TAGAP: variants seen among roughly 807,000 people sequenced by gnomAD.
TAGAP encodes the protein T-cell activation Rho GTPase-activating protein.
Under a neutral mutation model 36.0 loss-of-function variants are expected in TAGAP, and 16 were observed. The observed-to-expected ratio is 0.44, with a 90% CI of 0.30 to 0.68. TAGAP has a LOEUF of 0.68. Among genes scored for constraint, TAGAP ranks in the 30% least tolerant of loss-of-function variants. The probability of loss-of-function intolerance (pLI) is 0.09; values close to 1 mark genes in which losing one functional copy is unlikely to be tolerated. For synonymous variants in TAGAP, 372 were observed against 377.4 expected (o/e 0.99, Z 0.17); for missense variants, 794 against 921.5 (o/e 0.86, Z 1.79).
In TAGAP at chr6:159,035,233, A is replaced by T. The variant is rs992270210; in HGVS notation, c.*594T>A. ...TGAAGTGTTTTTCATGATTTTTGCTACGGCCCCAGCTTTTACTGGAGTTTT... is the reference window on the plus strand; with the variant it reads ...TGAAGTGTTTTTCATGATTTTTGCTTCGGCCCCAGCTTTTACTGGAGTTTT... On this transcript the variant is annotated 3_prime_UTR_variant, in exon 10 of 10. Coordinates refer to ENST00000367066, the MANE Select transcript of TAGAP (RefSeq NM_054114.5). 14 of 152,354 alleles carry T rather than the reference A, an allele frequency of 9.2e-5. No individual in the cohort carries two copies. The highest frequency in any genetic ancestry group is 1.7e-4 in the African/African-American group (7 of 41,450). The allele number at this position is 152,354 out of a possible 1,614,324, so 9.4% of individuals were successfully genotyped here. A position where few individuals can be genotyped will look rare whatever the true frequency, so the allele number is the denominator to read the frequency against.
chr6:159,041,547 G>T lies in TAGAP; in HGVS notation c.316-32C>A, dbSNP rs1257316720. Reference sequence around the variant, plus strand: ...GAAACAGCAATAGGAACAGGAAAGGGTTACCCTTCTTCTTTAGTATACTGA... The same window carrying T: ...GAAACAGCAATAGGAACAGGAAAGGTTTACCCTTCTTCTTTAGTATACTGA... On this transcript the variant is annotated intron_variant, in intron 5 of 9. Transcript: ENST00000367066. The surrounding 1 kb of genome is among the most constrained non-coding windows in gnomAD (Gnocchi z 4.1). 1.2e-6 allele frequency: 2 copies of T among 1,601,596 alleles called. No homozygotes were observed. The highest frequency in any genetic ancestry group is 1.1e-5 in the South Asian group (1 of 89,928).
intron 3 of TAGAP, 61 bp from the exon 4 acceptor site, chr6:159,043,716 C>T: frequency 6.9e-7 from 1 of 1,450,450 alleles, no homozygotes; most frequent in Non-Finnish European, 9.7e-7. Flanking sequence ...AGTCTTTCCC[C>T]ACAAAACACA....
rs930667137 is a variant in TAGAP, at chr6:159,041,005, G to A, written c.478-173C>T. The A allele has an allele frequency of 2.3e-5, 14 of 605,898 alleles. No homozygotes were observed. Among genetic ancestry groups the A allele is most frequent in the African/African-American group, 1.9e-4 (10 of 53,906 alleles). The allele number at this position is 605,898 out of a possible 1,614,324, so 37.5% of individuals were successfully genotyped here. A position where few individuals can be genotyped will look rare whatever the true frequency, so the allele number is the denominator to read the frequency against. On this transcript the variant is annotated intron_variant, in intron 6 of 9. Transcript: ENST00000367066. This position sits in a 1 kb window ranked among gnomAD's most constrained non-coding sequence, Gnocchi z 4.1. The stretch of plus-strand genomic sequence containing the variant: ...GGGAACCCTCTCTCCAACACCCTTG[G>A]CCTCTCTGCAACTTTCTAACATCAG...
chr6:159,040,517 A>G (rs932040571), intron 7 of TAGAP, among the ~76,000 whole-genome samples: 1 of 152,234 alleles, frequency 6.6e-6, no homozygotes, highest in Non-Finnish European at 1.5e-5. Context: ...TTTTGAAGAA[A>G]TATTTCATTT....
intron 7 of TAGAP, among the ~76,000 whole-genome samples, 156 bp from the exon 8 acceptor site, chr6:159,039,465 G>A (rs1779671232): frequency 6.6e-6 from 1 of 152,294 alleles, no homozygotes; most frequent in African/African-American, 2.4e-5. Context: ...ACTTCCAGTG[G>A]CAACTGACAC....
rs2114782814 is a variant in TAGAP, at chr6:159,036,600, C to G, written c.1423G>C (p.Ala475Pro). ...LDASSDSSPV[A>P]SPSSPKRNFF... ...TTTCTTTTGGGACTGGAAGGAGAAG[C>G]CACGGGCGAGCTGTCAGAGGACGCG... Residue 475 changes from alanine (A) to proline (P), a missense_variant, in exon 10 of 10, where the codon GCT (alanine) becomes CCT (proline). By Grantham distance (27) the Ala-to-Pro change is conservative. Transcript: ENST00000367066. This position sits in a 1 kb window ranked among gnomAD's most constrained non-coding sequence, Gnocchi z 4.9. The G allele has an allele frequency of 1.2e-6, 2 of 1,614,118 alleles. No individual in the cohort carries two copies. The highest frequency in any genetic ancestry group is 3.3e-4 in the Middle Eastern group (2 of 6,062).
chr6:159,043,686 G>A (rs1204171599), intron 3 of TAGAP, 31 bp from the exon 4 acceptor site: 1 of 1,587,508 alleles, frequency 6.3e-7, no homozygotes, highest in Non-Finnish European at 8.6e-7. Flanking sequence ...GTTAAATATA[G>A]TGACTGAAGA....
Position 159,041,050 on chromosome 6 carries a change from C to A in TAGAP, c.478-218G>T. The A allele has an allele frequency of 1.7e-6, 1 of 585,824 alleles. No individual in the cohort carries two copies. The highest frequency in any genetic ancestry group is 2.8e-5 in the East Asian group (1 of 35,170). 36.3% of individuals were successfully genotyped at this position (585,824 alleles called of 1,614,324 possible). On this transcript the variant is annotated intron_variant, in intron 6 of 9. Coordinates refer to ENST00000367066, the MANE Select transcript of TAGAP (RefSeq NM_054114.5). The surrounding 1 kb of genome is among the most constrained non-coding windows in gnomAD (Gnocchi z 4.1). ...CATCAGGCAGAGTCAGAGGCACCAT[C>A]CCCAGGTGGGTGTGTTCTGAGGGGC...
chr6:159,039,609 G>C (rs942310069), intron 7 of TAGAP, among the ~76,000 whole-genome samples: 7 of 152,138 alleles, frequency 4.6e-5, no homozygotes, highest in African/African-American at 1.7e-4. Flanking sequence ...AAACACCATA[G>C]TTTGCCTTTA....
chr6:159,040,497 G>T (rs1261223929), intron 7 of TAGAP, among the ~76,000 whole-genome samples: 1 of 152,130 alleles, frequency 6.6e-6, no homozygotes. Flanking sequence ...ATTGAAGTTC[G>T]CTTTCTACTT....
Position 159,035,952 on chromosome 6 carries a change from G to A in TAGAP, c.2071C>T (p.Leu691Phe). ...TCGGAGACGGTCCTCAGCGGGAGGA[G>A]CTCAGGTCTCCCTGGGCCAGACACG... is the stretch of plus-strand genomic sequence containing the variant. The part of the protein sequence containing the change: ...GHVSGPGRPE[L>F]LPLRTVSESV... Residue 691 changes from leucine (L) to phenylalanine (F), a missense_variant, in exon 10 of 10, where the codon CTC (leucine) becomes TTC (phenylalanine). Transcript: ENST00000367066. 1.2e-6 allele frequency: 2 copies of A among 1,614,192 alleles called. No individual in the cohort carries two copies. Among genetic ancestry groups the A allele is most frequent in the Non-Finnish European group, 1.7e-6 (2 of 1,180,024 alleles).
chr6:159,044,332 C>T, intron 1 of TAGAP, 128 bp from the exon 2 acceptor site: 2 of 579,828 alleles, frequency 3.4e-6, no homozygotes, highest in South Asian at 3.0e-5. Context: ...TTTTCACTTG[C>T]CTTTACTTTG....
rs534667895 is a variant in TAGAP at position 159,037,539 on chromosome 6, C to A, written c.899-415G>T. Among the ~76,000 whole-genome samples, 6 of 152,122 alleles carry A rather than the reference C, an allele frequency of 3.9e-5. No homozygotes were observed. The highest frequency in any genetic ancestry group is 7.4e-5 in the Non-Finnish European group (5 of 68,022). On this transcript the variant is annotated intron_variant, in intron 9 of 9. Transcript: ENST00000367066. This position sits in a 1 kb window ranked among gnomAD's most constrained non-coding sequence, Gnocchi z 5.1. ...TTGCTACAGTTCGCCCTGCTCATAC[C>A]AATCAGGGCACTAGGTGATTTATTA...
At position 159,044,187 on chromosome 6, in the gene TAGAP, G is replaced by T. The variant is rs556454536; in HGVS notation, c.-41C>A. 14 of 1,605,638 alleles carry T rather than the reference G, an allele frequency of 8.7e-6. 1 individual carries two copies. The highest frequency in any genetic ancestry group is 1.7e-4 in the Middle Eastern group (1 of 6,058). On this transcript the variant is annotated 5_prime_UTR_variant, in exon 2 of 10. Transcript: ENST00000367066. ...CTGTCCAGGGGTGGATTTCACTCCC[G>T]TGTGGCTGTGCCTCTGTCTACAACG...
rs1343928291 is a variant in TAGAP at position 159,037,606 on chromosome 6, C to A, written c.899-482G>T. On this transcript the variant is annotated intron_variant, in intron 9 of 9. Transcript: ENST00000367066. The surrounding 1 kb of genome is among the most constrained non-coding windows in gnomAD (Gnocchi z 5.1). Reference sequence around the variant, plus strand: ...GCTTGATATGACAAGAAATGTACCACATGAAAAGTTTATTTCTTTCTGAAT... The same window carrying A: ...GCTTGATATGACAAGAAATGTACCAAATGAAAAGTTTATTTCTTTCTGAAT... Among the ~76,000 whole-genome samples, 1 of 151,856 alleles carries A rather than the reference C, an allele frequency of 6.6e-6. No homozygotes were observed. The highest frequency in any genetic ancestry group is 1.5e-5 in the Non-Finnish European group (1 of 68,008).
rs530252270 is a variant in TAGAP at position 159,036,009 on chromosome 6, T to C, written c.2014A>G (p.Thr672Ala). ...AGAGAGTCCCCAGAAGCATGGACAG[T>C]TCTGCTCTGTTTCCATCGCTCAGGC... ...PLPERWKQSRTVHASGDSLGH... is the reference protein window; with the variant it reads ...PLPERWKQSRAVHASGDSLGH... The change falls in exon 10 of 10, where the codon ACT (threonine) becomes GCT (alanine). Residue 672 changes from threonine (T) to alanine (A), a missense_variant. Physicochemically the swap from Thr to Ala is moderately conservative, Grantham distance 58. Coordinates refer to ENST00000367066, the MANE Select transcript of TAGAP (RefSeq NM_054114.5). The surrounding 1 kb of genome is among the most constrained non-coding windows in gnomAD (Gnocchi z 4.9). The C allele has an allele frequency of 4.5e-5, 72 of 1,612,802 alleles. No homozygotes were observed. Among genetic ancestry groups the C allele is most frequent in the Non-Finnish European group, 5.9e-5 (69 of 1,179,024 alleles).
Position 159,040,839 on chromosome 6 carries a change from G to A in TAGAP, c.478-7C>T. The stretch of plus-strand genomic sequence containing the variant: ...GGATACTTCTGAGGAAGTCCTGGGG[G>A]ATGAGAGTGGGCTGTTGGCCTATTG... On this transcript the variant is annotated splice_region_variant and splice_polypyrimidine_tract_variant and intron_variant, in intron 6 of 9. Coordinates refer to ENST00000367066, the MANE Select transcript of TAGAP (RefSeq NM_054114.5). 1 of 1,610,188 alleles carries A rather than the reference G, an allele frequency of 6.2e-7. No homozygotes were observed. Among genetic ancestry groups the A allele is most frequent in the African/African-American group, 1.3e-5 (1 of 74,952 alleles).
rs983179144 is a variant in TAGAP, at chr6:159,041,076, C to T, written c.478-244G>A. 19 of 583,024 alleles carry T rather than the reference C, an allele frequency of 3.3e-5. No homozygotes were observed. In the African/African-American group the frequency reaches 3.6e-4, roughly 11 times the overall value. 36.1% of individuals were successfully genotyped at this position (583,024 alleles called of 1,614,324 possible). ...CCCAGGTGGGTGTGTTCTGAGGGGC[C>T]ACTGGATTTTGACGTATGGATTCTG... On this transcript the variant is annotated intron_variant, in intron 6 of 9. Transcript: ENST00000367066. This position sits in a 1 kb window ranked among gnomAD's most constrained non-coding sequence, Gnocchi z 4.1.
Position 159,036,500 on chromosome 6 carries a change from G to T in TAGAP, c.1523C>A (p.Ser508Tyr), listed in dbSNP as rs1779541166. The T allele has an allele frequency of 6.2e-7, 1 of 1,614,156 alleles. No individual in the cohort carries two copies. Among genetic ancestry groups the T allele is most frequent in the African/African-American group, 1.3e-5 (1 of 75,038 alleles). ...GTGAGGGGCAAAGGTGAAAGACATG[G>T]AGTGCTTTTTAATTTCTCGGCTGGG... ...GKPSREIKKH[S>Y]MSFTFAPHKK... is the part of the protein sequence containing the mutation. The change falls in exon 10 of 10, where the codon TCC (serine) becomes TAC (tyrosine). Residue 508 changes from serine to tyrosine, a missense_variant. Physicochemically the swap from Ser to Tyr is moderately radical, Grantham distance 144. Coordinates refer to ENST00000367066, the MANE Select transcript of TAGAP (RefSeq NM_054114.5). The surrounding 1 kb of genome is among the most constrained non-coding windows in gnomAD (Gnocchi z 4.9).
Sources: allele counts gnomAD v4.1 joint callset (sites outside exome capture counted in the v4.1 genomes callset), GRCh38; gene constraint gnomAD v4.1.1; non-coding constraint Gnocchi (gnomAD v3.1); transcripts MANE v1.5; gene names NCBI Gene and HGNC (gene_info 2026-07-23, HGNC 2026-07-21).